Variants in BACH2 observed in about 807,000 individuals in gnomAD.
BACH2 encodes BACH transcriptional regulator 2, also known as transcription regulator protein BACH2.
A neutral mutation model predicts 61.8 loss-of-function variants in BACH2; 5 were observed. That is an observed-to-expected ratio of 0.08 (90% CI 0.04 to 0.17). The LOEUF is 0.17. Ranked by LOEUF, BACH2 falls within the 10% of genes least tolerant of loss-of-function variation. The pLI is 1.00. For missense variants in BACH2, 824 were observed against 1,091.1 expected, an observed-to-expected ratio of 0.76 and a Z score of 3.45; for synonymous variants, 446 against 440.1, an observed-to-expected ratio of 1.01 and a Z score of -0.17.
intron 6 of BACH2, among the ~76,000 whole-genome samples, chr6:89,977,627 G>C (rs1424884902): frequency 6.6e-6 from 1 of 152,140 alleles, no homozygotes; most frequent in Non-Finnish European, 1.5e-5. Flanking sequence ...CTTACAAATA[G>C]GATTATTTAA....
chr6:90,129,688 G>A (rs890317320), intron 4 of BACH2, among the ~76,000 whole-genome samples: 6 of 152,076 alleles, frequency 3.9e-5, no homozygotes, highest in African/African-American at 1.4e-4. Flanking sequence ...CACATCCCTT[G>A]TTAGCTGTAT....
At chr6:90,245,164 A>T (rs1037414027) in intron 3 of BACH2, among the ~76,000 whole-genome samples, 1 of 152,152 alleles carries the variant, frequency 6.6e-6, no homozygotes, top group Non-Finnish European at 1.5e-5. Context: ...ATGCCACTGC[A>T]ATCCTGCCTG....
chr6:89,933,657 G>A (rs373871599), intron 8 of BACH2, among the ~76,000 whole-genome samples: 35 of 152,242 alleles, frequency 2.3e-4, no homozygotes, highest in Non-Finnish European at 4.4e-4. Context: ...TGTATAGTGT[G>A]TTCAGTTTTG....
intron 4 of BACH2, among the ~76,000 whole-genome samples, chr6:90,103,021 A>T (rs1582362818): frequency 6.2e-5 from 2 of 32,178 alleles, no homozygotes; most frequent in Non-Finnish European, 1.1e-4. Context: ...ATATATATAT[A>T]TATATATATT....
chr6:90,181,135 T>C (rs1179692858), intron 4 of BACH2, among the ~76,000 whole-genome samples: 2 of 152,336 alleles, frequency 1.3e-5, no homozygotes, highest in Non-Finnish European at 1.5e-5. Context: ...TTCCCACCAG[T>C]AGTGTGTAAG....
chr6:90,257,629 C>T (rs907509173), intron 2 of BACH2, among the ~76,000 whole-genome samples: 1 of 152,098 alleles, frequency 6.6e-6, no homozygotes, highest in Non-Finnish European at 1.5e-5. Flanking sequence ...TAACTCCTTA[C>T]CAAATACATG....
chr6:90,028,279 C>T (rs190327756), intron 5 of BACH2, among the ~76,000 whole-genome samples: 2 of 152,210 alleles, frequency 1.3e-5, no homozygotes, highest in African/African-American at 2.4e-5. Flanking sequence ...GGGCACTTAG[C>T]CCTGATATAG....
intron 6 of BACH2, among the ~76,000 whole-genome samples, chr6:89,952,580 G>A (rs1774194570): frequency 1.3e-5 from 2 of 152,112 alleles, no homozygotes; most frequent in South Asian, 2.1e-4. Flanking sequence ...TAAACAAACC[G>A]GCTCTCATTT....
intron 6 of BACH2, among the ~76,000 whole-genome samples, chr6:89,960,444 A>G (rs1477780813): frequency 3.3e-5 from 5 of 152,240 alleles, no homozygotes; most frequent in Admixed American, 2.0e-4. Flanking sequence ...GCTATTTCAT[A>G]TGGAAACATG....
At chr6:90,111,264 T>C (rs1783158544) in intron 4 of BACH2, among the ~76,000 whole-genome samples, 1 of 152,160 alleles carries the variant, frequency 6.6e-6, no homozygotes, top group African/African-American at 2.4e-5. Flanking sequence ...GCCACCACCA[T>C]CTCTCTCCCG....
chr6:89,947,502 A>T (rs543980763), intron 7 of BACH2, among the ~76,000 whole-genome samples: 2 of 152,140 alleles, frequency 1.3e-5, no homozygotes, highest in South Asian at 4.1e-4. Context: ...GTTTTCCAAA[A>T]TGGCATAGAG....
At chr6:90,020,972 C>T (rs1562375439) in intron 5 of BACH2, among the ~76,000 whole-genome samples, 2 of 152,188 alleles carry the variant, frequency 1.3e-5, no homozygotes, top group Non-Finnish European at 1.5e-5. Flanking sequence ...TGTAAGGAAG[C>T]TTTCCAAAGG....
intron 6 of BACH2, among the ~76,000 whole-genome samples, chr6:90,006,594 CTAG>C (rs1777418655): frequency 6.6e-6 from 1 of 152,152 alleles, no homozygotes; most frequent in Admixed American, 6.5e-5. Flanking sequence ...TGTGAAAACG[CTAG>C]TGCTTATGCA....
intron 4 of BACH2, among the ~76,000 whole-genome samples, chr6:90,089,833 G>C (rs922334196): frequency 6.6e-6 from 1 of 152,036 alleles, no homozygotes; most frequent in East Asian, 1.9e-4. Flanking sequence ...TATCTTGTGA[G>C]AGTATGGAGC....
At chr6:90,197,695 C>T (rs1768805530) in intron 4 of BACH2, among the ~76,000 whole-genome samples, 1 of 152,152 alleles carries the variant, frequency 6.6e-6, no homozygotes, top group South Asian at 2.1e-4. Context: ...CTTAGTCCAA[C>T]ATGATGATGT....
At chr6:90,136,291 T>C (rs919978303) in intron 4 of BACH2, among the ~76,000 whole-genome samples, 6 of 152,224 alleles carry the variant, frequency 3.9e-5, no homozygotes, top group Non-Finnish European at 1.5e-5. Flanking sequence ...CTATTAACAC[T>C]GGTGGCTGCT....
intron 5 of BACH2, among the ~76,000 whole-genome samples, chr6:90,026,343 T>C (rs1469105447): frequency 6.6e-6 from 1 of 152,148 alleles, no homozygotes; most frequent in Non-Finnish European, 1.5e-5. Flanking sequence ...CTTAAATTAG[T>C]TTTGCAAGAT....
At chr6:89,953,383 G>C (rs1212396125) in intron 6 of BACH2, among the ~76,000 whole-genome samples, 2 of 152,032 alleles carry the variant, frequency 1.3e-5, no homozygotes, top group Non-Finnish European at 2.9e-5. Flanking sequence ...TAACTGAACG[G>C]GATTTTAATT....
chr6:90,103,120 C>G (rs566297162), intron 4 of BACH2, among the ~76,000 whole-genome samples: 3 of 142,068 alleles, frequency 2.1e-5, no homozygotes, highest in Non-Finnish European at 4.5e-5. Flanking sequence ...TACTTTGCAT[C>G]TTGATCCATG....
Sources: allele counts gnomAD v4.1 joint callset (sites outside exome capture counted in the v4.1 genomes callset), GRCh38; gene constraint gnomAD v4.1.1; transcripts MANE v1.5; gene names NCBI Gene and HGNC (gene_info 2026-07-23, HGNC 2026-07-21).